The following GRB14 variants were observed in gnomAD, a reference collection of about 807,000 sequenced individuals.
GRB14 encodes growth factor receptor-bound protein 14.
A neutral mutation model predicts 69.1 loss-of-function variants in GRB14; 38 were observed. That is an observed-to-expected ratio of 0.55 (90% CI 0.42 to 0.72). The LOEUF is 0.72. Among genes scored for constraint, GRB14 ranks in the 30% least tolerant of loss-of-function variants. The pLI, the probability that GRB14 is intolerant of heterozygous loss-of-function variation, is 0.00. For synonymous variants in GRB14, 247 were observed against 241.3 expected, an observed-to-expected ratio of 1.02 and a Z score of -0.22; for missense variants, 666 against 666.1, an observed-to-expected ratio of 1.00 and a Z score of 0.00.
At position 164,517,711 on chromosome 2, in the gene GRB14, G is replaced by A. The variant is rs189443104; in HGVS notation, c.816+4269C>T. Among the ~76,000 whole-genome samples the A allele has an allele frequency of 7.6e-4, 116 of 152,238 alleles. 3 individuals are homozygous for A. The highest frequency in any genetic ancestry group is 3.3e-3 in the Admixed American group (51 of 15,292). Reference sequence around the variant, plus strand: ...TGGACACCAAAAGAGAGCAGGAATAGCTATTCTTATATCAGACAAAACAGA... The same window carrying A: ...TGGACACCAAAAGAGAGCAGGAATAACTATTCTTATATCAGACAAAACAGA... On this transcript the variant is annotated intron_variant, in intron 6 of 13. Coordinates refer to ENST00000263915, the MANE Select transcript of GRB14 (RefSeq NM_004490.3).
At chr2:164,535,741 C>G (rs557075312) in intron 3 of GRB14, among the ~76,000 whole-genome samples, 1 of 152,236 alleles carries the variant, frequency 6.6e-6, no homozygotes, top group South Asian at 2.1e-4. Context: ...GTTCCTTAAC[C>G]TAAGAATACT....
At chr2:164,520,082 C>G (rs1687599339) in intron 6 of GRB14, among the ~76,000 whole-genome samples, 1 of 152,070 alleles carries the variant, frequency 6.6e-6, no homozygotes, top group African/African-American at 2.4e-5. Flanking sequence ...AAGAACAAAC[C>G]TGGAGGCATC....
At position 164,522,093 on chromosome 2, in the gene GRB14, G is replaced by C. The variant is rs760302876; in HGVS notation, c.703C>G (p.Pro235Ala). 1.3e-6 allele frequency: 2 copies of C among 1,594,628 alleles called. No individual in the cohort carries two copies. Among genetic ancestry groups the C allele is most frequent in the Admixed American group, 1.8e-5 (1 of 57,002 alleles). The change falls in exon 6 of 14, where the codon CCT becomes GCT. Residue 235 changes from proline (P) to alanine (A), a missense_variant. Coordinates refer to ENST00000263915, the MANE Select transcript of GRB14 (RefSeq NM_004490.3). Reference protein sequence around the residue: ...LQMFLSSSTYPEIHGFLHAKE... With the variant: ...LQMFLSSSTYAEIHGFLHAKE... ...GCATGTAAGAAACCATGAATTTCAG[G>C]ATATGTGCTTGAACTCAGAAACATC...
chr2:164,554,096 A>G (rs900081198), intron 2 of GRB14, among the ~76,000 whole-genome samples: 1 of 152,150 alleles, frequency 6.6e-6, no homozygotes, highest in African/African-American at 2.4e-5. Context: ...CAAAAACTGC[A>G]TGACTATATG....
At chr2:164,525,417 T>G (rs1475337534) in intron 4 of GRB14, among the ~76,000 whole-genome samples, 1 of 152,030 alleles carries the variant, frequency 6.6e-6, no homozygotes, top group African/African-American at 2.4e-5. Context: ...AAAAGGACTA[T>G]CCATGACATT....
chr2:164,496,188 A>G (rs1209067423), intron 12 of GRB14, among the ~76,000 whole-genome samples: 1 of 152,200 alleles, frequency 6.6e-6, no homozygotes. Context: ...TGTCATGATA[A>G]TGACATGATT....
intron 3 of GRB14, 83 bp from the exon 4 acceptor site, chr2:164,527,218 TATAC>T (rs1217239856): frequency 2.0e-5 from 3 of 148,372 alleles, no homozygotes; most frequent in East Asian, 1.8e-4. Context: ...TATATATATA[TATAC>T]ACACACAGAC....
rs1237504246 is a variant in GRB14, at chr2:164,617,964, G to A, written c.324+1723C>T. ...ACAAGCCAGAATCTTTTTTTTGGGG[G>A]GGGGGGGGTAGTGTCAGCGGGGGAC... On this transcript the variant is annotated intron_variant, in intron 2 of 13. Transcript: ENST00000263915. 2.5e-4 allele frequency among the ~76,000 whole-genome samples: 35 copies of A among 138,024 alleles called. 2 individuals are homozygous for A. The highest frequency in any genetic ancestry group is 7.3e-5 in the Admixed American group (1 of 13,760). 90.5% of individuals were successfully genotyped at this position (138,024 alleles called of 152,430 possible). A position where few individuals can be genotyped will look rare whatever the true frequency, so the allele number is the denominator to read the frequency against.
At chr2:164,566,424 GA>G (rs1369986232) in intron 2 of GRB14, among the ~76,000 whole-genome samples, 1 of 151,972 alleles carries the variant, frequency 6.6e-6, no homozygotes, top group African/African-American at 2.4e-5. Flanking sequence ...TGCACTCACT[GA>G]AAAAAATAGC....
At chr2:164,549,198 G>A (rs1688463051) in intron 2 of GRB14, among the ~76,000 whole-genome samples, 3 of 151,914 alleles carry the variant, frequency 2.0e-5, no homozygotes, top group Admixed American at 1.3e-4. Context: ...ATTTTTAATT[G>A]GGTTAATTGT....
intron 2 of GRB14, among the ~76,000 whole-genome samples, chr2:164,571,869 ATG>A (rs1238691403): frequency 6.6e-6 from 1 of 152,162 alleles, no homozygotes; most frequent in Non-Finnish European, 1.5e-5. Flanking sequence ...ACTCTACAAC[ATG>A]TGTTTCCACA....
At chr2:164,597,944 G>A (rs1310273803) in intron 2 of GRB14, among the ~76,000 whole-genome samples, 2 of 151,884 alleles carry the variant, frequency 1.3e-5, no homozygotes, top group East Asian at 1.9e-4. Context: ...AATAGGGAGC[G>A]GAGGGGAATC....
chr2:164,610,872 A>AT (rs1690150845), intron 2 of GRB14, among the ~76,000 whole-genome samples: 1 of 147,122 alleles, frequency 6.8e-6, no homozygotes, highest in South Asian at 2.1e-4. Context: ...GGAAAAAAAA[A>AT]TTAAAAAAAA....
At chr2:164,525,650 G>A (rs1024787438) in intron 4 of GRB14, among the ~76,000 whole-genome samples, 3 of 151,974 alleles carry the variant, frequency 2.0e-5, no homozygotes, top group Admixed American at 6.6e-5. Flanking sequence ...CAGTAGATCC[G>A]GGCAAGTCCT....
At chr2:164,584,147 A>ATTTT (rs55883951) in intron 2 of GRB14, among the ~76,000 whole-genome samples, 17 of 49,902 alleles carry the variant, frequency 3.4e-4, no homozygotes, top group Admixed American at 7.1e-4. Flanking sequence ...CAGCCTGGCT[A>ATTTT]TTTTTTTTTT....
chr2:164,569,849 T>A (rs969610148), intron 2 of GRB14, among the ~76,000 whole-genome samples: 2 of 152,156 alleles, frequency 1.3e-5, no homozygotes, highest in Admixed American at 6.5e-5. Flanking sequence ...TTTATCATGA[T>A]CTTTTAAAAG....
At chr2:164,574,248 T>C (rs1017598964) in intron 2 of GRB14, among the ~76,000 whole-genome samples, 1 of 151,414 alleles carries the variant, frequency 6.6e-6, no homozygotes, top group Non-Finnish European at 1.5e-5. Flanking sequence ...TATCTTTTTT[T>C]TTTTTTTTTT....
intron 2 of GRB14, among the ~76,000 whole-genome samples, chr2:164,557,610 T>C (rs560704624): frequency 1.2e-3 from 186 of 152,116 alleles, no homozygotes; most frequent in Non-Finnish European, 2.3e-3. Context: ...CTTCTCACAT[T>C]TGAAACCAGG....
intron 2 of GRB14, among the ~76,000 whole-genome samples, chr2:164,595,274 G>A (rs1445498175): frequency 2.0e-5 from 3 of 152,178 alleles, no homozygotes; most frequent in Admixed American, 6.5e-5. Context: ...CAAAGGCTCA[G>A]CGCTAACAAT....
Sources: allele counts gnomAD v4.1 joint callset (sites outside exome capture counted in the v4.1 genomes callset), GRCh38; gene constraint gnomAD v4.1.1; transcripts MANE v1.5; gene names NCBI Gene and HGNC (gene_info 2026-07-23, HGNC 2026-07-21).